The following KANK2 variants were observed in gnomAD, a reference collection of about 807,000 sequenced individuals.
KANK2 encodes KN motif and ankyrin repeat domain-containing protein 2.
KANK2 carries 41 observed loss-of-function variants against 74.6 expected under a neutral mutation model. The ratio of observed to expected loss-of-function variants is 0.55; its 90% CI spans 0.43 to 0.71. KANK2 has a LOEUF of 0.71. Among genes scored for constraint, KANK2 ranks in the 30% least tolerant of loss-of-function variants. The probability of loss-of-function intolerance (pLI) is 0.00; values close to 1 mark genes in which losing one functional copy is unlikely to be tolerated. For missense variants in KANK2, 1,148 were observed against 1,196.4 expected, an observed-to-expected ratio of 0.96 and a Z score of 0.60; for synonymous variants, 537 against 519.0, an observed-to-expected ratio of 1.03 and a Z score of -0.47.
At chr19:11,192,743 G>A in intron 4 of KANK2, 88 bp downstream of exon 4, 2 of 1,521,406 alleles carry the variant, frequency 1.3e-6, no homozygotes, top group Non-Finnish European at 1.8e-6. Flanking sequence ...CCTGGACCCT[G>A]GCGTTCTGAG....
intron 9 of KANK2, 54 bp from the exon 10 acceptor site, chr19:11,173,177 C>T (rs751200516): frequency 7.0e-6 from 11 of 1,567,412 alleles, no homozygotes; most frequent in South Asian, 3.5e-5. Context: ...GTGGACTGCC[C>T]CAAGGAACGT....
At position 11,173,133 on chromosome 19, in the gene KANK2, A is replaced by G; in HGVS notation, c.2069-10T>C. 1 of 1,610,420 alleles carries G rather than the reference A, an allele frequency of 6.2e-7. No homozygotes were observed. Among genetic ancestry groups the G allele is most frequent in the Non-Finnish European group, 8.5e-7 (1 of 1,178,040 alleles). ...TCCACCTTGCAGACACCTAAGAGAC[A>G]TGGTGTGAACCCTCAGACCAGGGAT... is the stretch of plus-strand genomic sequence containing the variant. On this transcript the variant is annotated splice_polypyrimidine_tract_variant and intron_variant, in intron 9 of 12. Transcript: ENST00000586659.
chr19:11,196,105 CTGGAGTGCAA>C (rs2079011700), intron 1 of KANK2: 1 of 149,858 alleles, frequency 6.7e-6, no homozygotes. Context: ...GTCGCCCAGG[CTGGAGTGCAA>C]TGGCGCGATC....
At position 11,174,688 on chromosome 19, in the gene KANK2, A is replaced by G; in HGVS notation, c.1853T>C (p.Val618Ala). The G allele has an allele frequency of 6.3e-7, 1 of 1,598,358 alleles. No individual in the cohort carries two copies. Among genetic ancestry groups the G allele is most frequent in the Non-Finnish European group, 8.5e-7 (1 of 1,172,392 alleles). Residue 618 changes from valine to alanine, a missense_variant, in exon 9 of 13, where the codon GTG becomes GCG. Physicochemically the swap from Val to Ala is moderately conservative, Grantham distance 64. Transcript: ENST00000586659. ...CTCCTGCAGCACTGTGGTGTAGGCC[A>G]CTTTCTGCATGCGAGTCAGGTGGGA... ...PNALTERELK[V>A]AYTTVLQEWL...
chr19:11,173,347 A>T lies in KANK2; in HGVS notation c.2069-224T>A, dbSNP rs117383959. On this transcript the variant is annotated intron_variant, in intron 9 of 12. Transcript: ENST00000586659. The stretch of plus-strand genomic sequence containing the variant: ...CAGATTTGGGGCCCCTGATGCTGGC[A>T]TCTATATTTAGGGCTGAGAATAGAA... Among the ~76,000 whole-genome samples, 272 of 152,148 alleles carry T rather than the reference A, an allele frequency of 1.8e-3. 3 individuals carry two copies. The East Asian group carries it at 0.038, about 21-fold the overall frequency.
intron 6 of KANK2, among the ~76,000 whole-genome samples, chr19:11,177,093 C>CATT (rs562968112): frequency 9.5e-6 from 1 of 104,786 alleles, no homozygotes. Context: ...ACTCACCCTC[C>CATT]TTTTTTTTTT....
chr19:11,193,801 C>G lies in KANK2; in HGVS notation c.279G>C (p.Gly93=). Residue 93 remains glycine, a synonymous_variant, in exon 4 of 13, where the codon GGG becomes GGC. Coordinates refer to ENST00000586659, the MANE Select transcript of KANK2 (RefSeq NM_001136191.3). This position sits in a 1 kb window ranked among gnomAD's most constrained non-coding sequence, Gnocchi z 9.6. ...STESLCSNAS[G]DSRHSAYSYC... Reference sequence around the variant, plus strand: ...AGGAATAGGCTGAGTGGCGGCTGTCCCCACTGGCATTGGAGCACAGCGACT... The same window carrying G: ...AGGAATAGGCTGAGTGGCGGCTGTCGCCACTGGCATTGGAGCACAGCGACT... The G allele has an allele frequency of 6.2e-7, 1 of 1,612,660 alleles. No individual in the cohort carries two copies. The highest frequency in any genetic ancestry group is 8.5e-7 in the Non-Finnish European group (1 of 1,179,678).
chr19:11,174,093 T>C (rs2078259378), intron 9 of KANK2, among the ~76,000 whole-genome samples: 2 of 148,472 alleles, frequency 1.3e-5, no homozygotes, highest in African/African-American at 5.0e-5. Flanking sequence ...TCCATCAGAC[T>C]AGGAGGGCCA....
intron 4 of KANK2, among the ~76,000 whole-genome samples, chr19:11,187,705 C>T (rs1438307936): frequency 1.3e-5 from 2 of 152,172 alleles, no homozygotes; most frequent in African/African-American, 4.8e-5. Flanking sequence ...GCTGCTTTTG[C>T]AACTGCAAAA....
In KANK2 at chr19:11,176,744, G is replaced by A. The variant is rs1238775587; in HGVS notation, c.1594C>T (p.Pro532Ser). Residue 532 changes from proline to serine, a missense_variant, in exon 7 of 13, where the codon CCA becomes TCA. Physicochemically the swap from Pro to Ser is moderately conservative, Grantham distance 74. Transcript: ENST00000586659. ...SDNDSTENEA[P>S]EPRERVPSVA... is the part of the protein sequence containing the mutation. ...CTCGGAACCCTCTCCCTCGGCTCTG[G>A]GGCCTCGTTCTCTGTGCTGTCGTTG... is the stretch of plus-strand genomic sequence containing the variant. 1.2e-6 allele frequency: 2 copies of A among 1,608,016 alleles called. No homozygotes were observed. The highest frequency in any genetic ancestry group is 1.7e-6 in the Non-Finnish European group (2 of 1,176,588).
intron 4 of KANK2, among the ~76,000 whole-genome samples, chr19:11,187,244 G>A (rs909546573): frequency 1.3e-5 from 2 of 151,800 alleles, no homozygotes; most frequent in African/African-American, 2.4e-5. Context: ...GCAACAGAGC[G>A]AGATTCCATC....
In KANK2 at chr19:11,181,630, T is replaced by C. The variant is rs186448432; in HGVS notation, c.1250-2910A>G. Among the ~76,000 whole-genome samples the C allele has an allele frequency of 2.7e-3, 411 of 151,800 alleles. 3 individuals are homozygous for C. Among genetic ancestry groups the C allele is most frequent in the African/African-American group, 9.4e-3 (389 of 41,214 alleles). On this transcript the variant is annotated intron_variant, in intron 4 of 12. Coordinates refer to ENST00000586659, the MANE Select transcript of KANK2 (RefSeq NM_001136191.3). Reference sequence around the variant, plus strand: ...GAAGGAGAATGGGAAGTGTGTTTAATGGGGACAGTTTCAGTTTGGAAAGAT... The same window carrying C: ...GAAGGAGAATGGGAAGTGTGTTTAACGGGGACAGTTTCAGTTTGGAAAGAT...
intron 12 of KANK2, among the ~76,000 whole-genome samples, chr19:11,168,440 C>A (rs2078084619): frequency 6.6e-6 from 1 of 151,922 alleles, no homozygotes; most frequent in Non-Finnish European, 1.5e-5. Flanking sequence ...GGAGTACAGG[C>A]ATGCACCTGT....
chr19:11,182,526 TAA>T (rs35598796), intron 4 of KANK2, among the ~76,000 whole-genome samples: 1 of 100,478 alleles, frequency 1.0e-5, no homozygotes, highest in Non-Finnish European at 2.2e-5. Context: ...ACCCTATCTT[TAA>T]AAAAAAAAAC....
At chr19:11,194,350 C>T in intron 3 of KANK2, 125 bp downstream of exon 3, 1 of 766,920 alleles carries the variant, frequency 1.3e-6, no homozygotes, top group Non-Finnish European at 2.1e-6. Flanking sequence ...CTGCCTCCTC[C>T]CTCAGACCTC....
rs528176321 is a variant in KANK2, at chr19:11,168,005, GTTTTTTTTTTT to G, written c.2503-1405_2503-1395del. Among the ~76,000 whole-genome samples, 3 of 115,012 alleles carry G rather than the reference GTTTTTTTTTTT, an allele frequency of 2.6e-5. No homozygotes were observed. The South Asian group carries it at 9.1e-4, about 35-fold the overall frequency. The allele number at this position is 115,012 out of a possible 152,430, so 75.5% of individuals were successfully genotyped here. On this transcript the variant is annotated intron_variant, in intron 12 of 12. Coordinates refer to ENST00000586659, the MANE Select transcript of KANK2 (RefSeq NM_001136191.3). The stretch of plus-strand genomic sequence containing the variant: ...CCATCACTCGCCATCCCACGTCCTT[GTTTTTTTTTTT>G]TTTTTTTTTTCTTTGAGACAGAGTT...
chr19:11,173,462 A>C (rs2078236349), intron 9 of KANK2, among the ~76,000 whole-genome samples: 1 of 151,978 alleles, frequency 6.6e-6, no homozygotes, highest in Non-Finnish European at 1.5e-5. Flanking sequence ...TGAGTCCTTC[A>C]TCAGCCCGGG....
At position 11,193,018 on chromosome 19, in the gene KANK2, G is replaced by A; in HGVS notation, c.1062C>T (p.Ala354=). The A allele has an allele frequency of 6.2e-7, 1 of 1,613,226 alleles. No homozygotes were observed. The highest frequency in any genetic ancestry group is 8.5e-7 in the Non-Finnish European group (1 of 1,179,718). Reference sequence around the variant, plus strand: ...CTGTGCCGTAAGGCTCCAGGCTCTGGGCCCGCTGTGCGGGGGCGCCAGCGG... The same window carrying A: ...CTGTGCCGTAAGGCTCCAGGCTCTGAGCCCGCTGTGCGGGGGCGCCAGCGG... The part of the protein sequence containing the change: ...STAAGAPAQR[A]QSLEPYGTGL... The change falls in exon 4 of 13, where the codon GCC becomes GCT. Residue 354 remains alanine, a synonymous_variant. Coordinates refer to ENST00000586659, the MANE Select transcript of KANK2 (RefSeq NM_001136191.3). This position sits in a 1 kb window ranked among gnomAD's most constrained non-coding sequence, Gnocchi z 9.6.
chr19:11,184,872 C>T (rs534266148), intron 4 of KANK2, among the ~76,000 whole-genome samples: 2 of 145,910 alleles, frequency 1.4e-5, no homozygotes, highest in East Asian at 2.0e-4. Context: ...AGGGCAATGG[C>T]GTGATCTCAG....
Sources: gnomAD v4.1 joint callset for allele counts (sites outside exome capture counted in the v4.1 genomes callset) on GRCh38, gnomAD v4.1.1 for gene constraint, Gnocchi (gnomAD v3.1) non-coding constraint, MANE v1.5 for transcripts, NCBI Gene and HGNC (gene_info 2026-07-23, HGNC 2026-07-21) for gene names.